The following TBX20 variants were observed in gnomAD, a reference collection of about 807,000 sequenced individuals.
The protein encoded by TBX20 is T-box transcription factor 20.
A neutral mutation model predicts 42.9 loss-of-function variants in TBX20; 8 were observed. The observed-to-expected ratio is 0.19, with a 90% confidence interval of 0.11 to 0.34. The LOEUF (loss-of-function observed/expected upper bound fraction) is 0.34. TBX20 is among the 10% of genes least tolerant of loss of function. The pLI, the probability that TBX20 is intolerant of heterozygous loss-of-function variation, is 1.00. For synonymous variants in TBX20, 198 were observed against 222.8 expected, an observed-to-expected ratio of 0.89 and a Z score of 0.99; for missense variants, 411 against 566.0, an observed-to-expected ratio of 0.73 and a Z score of 2.78.
chr7:35,243,908 G>C (rs1790130644), intron 4 of TBX20, among the ~76,000 whole-genome samples: 1 of 152,166 alleles, frequency 6.6e-6, no homozygotes, highest in Admixed American at 6.5e-5. Flanking sequence ...CGCCTAAAGT[G>C]ATTTATTTAG....
At chr7:35,215,843 C>G (rs565056306) in intron 6 of TBX20, among the ~76,000 whole-genome samples, 3 of 152,262 alleles carry the variant, frequency 2.0e-5, no homozygotes, top group African/African-American at 7.2e-5. Context: ...CCAAAACATT[C>G]AGAACCATTT....
intron 6 of TBX20, among the ~76,000 whole-genome samples, chr7:35,227,735 T>C (rs555793118): frequency 2.0e-5 from 3 of 152,160 alleles, no homozygotes; most frequent in Admixed American, 6.5e-5. Flanking sequence ...TCTTTCCACT[T>C]ACATGAGGTA....
At chr7:35,245,098 A>G (rs1221858959) in intron 3 of TBX20, 41 bp from the exon 4 acceptor site, 1 of 1,380,814 alleles carries the variant, frequency 7.2e-7, no homozygotes, top group Non-Finnish European at 1.0e-6. Flanking sequence ...ACTTCTTTAA[A>G]AAGTCTGTCT....
At chr7:35,222,068 A>G (rs1402953543) in intron 6 of TBX20, among the ~76,000 whole-genome samples, 6 of 152,326 alleles carry the variant, frequency 3.9e-5, no homozygotes, top group Middle Eastern at 6.8e-3. Context: ...TTTAAAGGCA[A>G]TAATTATTAA....
At chr7:35,221,199 A>G in intron 6 of TBX20, among the ~76,000 whole-genome samples, 1 of 151,278 alleles carries the variant, frequency 6.6e-6, no homozygotes, top group East Asian at 2.0e-4. Flanking sequence ...GTCCAAGATT[A>G]TTTAAGCAAA....
At chr7:35,248,261 C>G (rs1332226422) in intron 3 of TBX20, among the ~76,000 whole-genome samples, 1 of 152,110 alleles carries the variant, frequency 6.6e-6, no homozygotes, top group African/African-American at 2.4e-5. Context: ...TTACTGTAAG[C>G]AACGATTTTA....
At chr7:35,242,074 A>G (rs1790093875) in intron 4 of TBX20, among the ~76,000 whole-genome samples, 1 of 129,486 alleles carries the variant, frequency 7.7e-6, no homozygotes, top group Non-Finnish European at 1.7e-5. Context: ...TGGCAGGAGC[A>G]ATGGCACTCT....
chr7:35,236,962 G>A (rs1173619112), intron 5 of TBX20, among the ~76,000 whole-genome samples: 1 of 152,056 alleles, frequency 6.6e-6, no homozygotes, highest in Non-Finnish European at 1.5e-5. Flanking sequence ...AACTTGTGTT[G>A]AAATGTGCAT....
At position 35,249,106 on chromosome 7, in the gene TBX20, G is replaced by C; in HGVS notation, c.381-265C>G. 6.6e-6 allele frequency among the ~76,000 whole-genome samples: 1 copy of C among 150,900 alleles called. No individual in the cohort carries two copies. Among genetic ancestry groups the C allele is most frequent in the Admixed American group, 6.6e-5 (1 of 15,106 alleles). On this transcript the variant is annotated intron_variant, in intron 2 of 7. Transcript: ENST00000408931. This position sits in a 1 kb window ranked among gnomAD's most constrained non-coding sequence, Gnocchi z 4.3. ...GTGAAAAGGTGGGGGTGGGGGTGGG[G>C]GTATGTGTTAACTCCAGAAGGTCTG...
At chr7:35,207,969 C>T (rs566469771) in intron 6 of TBX20, among the ~76,000 whole-genome samples, 67 of 152,118 alleles carry the variant, frequency 4.4e-4, no homozygotes, top group African/African-American at 1.6e-3. Context: ...TCAATCTCTA[C>T]AAAAAAGACT....
At chr7:35,227,683 C>T (rs1207622825) in intron 6 of TBX20, among the ~76,000 whole-genome samples, 1 of 152,136 alleles carries the variant, frequency 6.6e-6, no homozygotes, top group Non-Finnish European at 1.5e-5. Context: ...CAATGCATTT[C>T]TCAGAATGCA....
chr7:35,210,153 C>T lies in TBX20; in HGVS notation c.891-5571G>A, dbSNP rs1268076263. The stretch of plus-strand genomic sequence containing the variant: ...TTTTTGAGACGGAGTCTCACTCTGT[C>T]GCCCAGGCTGGAGTGCAGTGGCGCA... On this transcript the variant is annotated intron_variant, in intron 6 of 7. Transcript: ENST00000408931. Among the ~76,000 whole-genome samples the T allele has an allele frequency of 1.4e-5, 2 of 140,998 alleles. 1 individual carries two copies. The highest frequency in any genetic ancestry group is 4.4e-4 in the South Asian group (2 of 4,518). 92.5% of individuals were successfully genotyped at this position (140,998 alleles called of 152,430 possible). A position where few individuals can be genotyped will look rare whatever the true frequency, so the allele number is the denominator to read the frequency against.
intron 6 of TBX20, among the ~76,000 whole-genome samples, chr7:35,209,642 G>A (rs969019604): frequency 1.3e-5 from 2 of 151,786 alleles, no homozygotes; most frequent in African/African-American, 2.4e-5. Flanking sequence ...CTTCTTCCCT[G>A]TTTTCTACTC....
chr7:35,217,634 A>T (rs1246950398), intron 6 of TBX20, among the ~76,000 whole-genome samples: 2 of 152,212 alleles, frequency 1.3e-5, no homozygotes, highest in Non-Finnish European at 2.9e-5. Context: ...ATTTGAAAAA[A>T]ATTAGTTCTG....
chr7:35,221,268 A>T (rs1035985721), intron 6 of TBX20, among the ~76,000 whole-genome samples: 1 of 147,528 alleles, frequency 6.8e-6, no homozygotes, highest in Non-Finnish European at 1.5e-5. Context: ...ATTATATAGG[A>T]CAACAAAATA....
intron 6 of TBX20, among the ~76,000 whole-genome samples, chr7:35,205,892 T>A (rs1477615174): frequency 1.3e-5 from 2 of 152,172 alleles, no homozygotes; most frequent in African/African-American, 2.4e-5. Context: ...CATTAACACA[T>A]AGGTGTCAAA....
At chr7:35,215,001 A>C (rs975224707) in intron 6 of TBX20, among the ~76,000 whole-genome samples, 1 of 152,248 alleles carries the variant, frequency 6.6e-6, no homozygotes, top group African/African-American at 2.4e-5. Flanking sequence ...TTTTAAAAAA[A>C]GAGTGTAATA....
intron 1 of TBX20, among the ~76,000 whole-genome samples, chr7:35,252,095 GCAGCTGGGGCTGGCATGTTTCC>G (rs2128716416): frequency 6.6e-6 from 1 of 152,328 alleles, no homozygotes; most frequent in Admixed American, 6.5e-5. Flanking sequence ...AAATGACAGT[GCAGCTGGGGCTGGCATGTTTCC>G]CAATTTGCTG....
chr7:35,205,322 T>A (rs933596302), intron 6 of TBX20, among the ~76,000 whole-genome samples: 16 of 151,680 alleles, frequency 1.1e-4, no homozygotes, highest in South Asian at 2.1e-4. Flanking sequence ...AAAAAAAAAA[T>A]TTGGCATTGG....
Sources: gnomAD v4.1 joint callset for allele counts (sites outside exome capture counted in the v4.1 genomes callset) on GRCh38, gnomAD v4.1.1 for gene constraint, Gnocchi (gnomAD v3.1) non-coding constraint, MANE v1.5 for transcripts, NCBI Gene and HGNC (gene_info 2026-07-23, HGNC 2026-07-21) for gene names.